Variants in WNK2 observed in about 807,000 individuals in gnomAD.
WNK2 encodes the protein WNK lysine deficient protein kinase 2, also known as serine/threonine-protein kinase WNK2.
WNK2 carries 67 observed loss-of-function variants against 192.1 expected under a neutral mutation model. The ratio of observed to expected loss-of-function variants is 0.35; its 90% CI spans 0.29 to 0.43. The LOEUF is 0.43. Ranked by LOEUF, WNK2 falls within the 20% of genes least tolerant of loss-of-function variation. The pLI is 1.00. For synonymous variants in WNK2, 1,439 were observed against 1,393.9 expected (o/e 1.03, Z -0.72); for missense variants, 2,698 against 3,089.7 (o/e 0.87, Z 3.01).
intron 28 of WNK2, 93 bp downstream of exon 28, chr9:93,308,677 GT>G (rs1436956173): frequency 2.1e-5 from 29 of 1,395,242 alleles, no homozygotes; most frequent in Non-Finnish European, 2.6e-5. Context: ...GGGGTGTCCA[GT>G]TAAGCTCTTC....
chr9:93,226,857 A>G (rs1837906500), intron 2 of WNK2, among the ~76,000 whole-genome samples: 1 of 152,016 alleles, frequency 6.6e-6, no homozygotes, highest in Non-Finnish European at 1.5e-5. Flanking sequence ...GGCATGGTTC[A>G]TTCACCTGGC....
At chr9:93,290,205 A>T (rs1321925231) in intron 21 of WNK2, among the ~76,000 whole-genome samples, 158 bp downstream of exon 21, 3 of 152,202 alleles carry the variant, frequency 2.0e-5, no homozygotes, top group Non-Finnish European at 2.9e-5. Context: ...CATCCAGTGT[A>T]GGGCCCAGAC....
chr9:93,314,890 C>CGG (rs373134529), intron 28 of WNK2, among the ~76,000 whole-genome samples: 4 of 151,614 alleles, frequency 2.6e-5, no homozygotes, highest in African/African-American at 7.3e-5. Flanking sequence ...GAGGCTTTCC[C>CGG]GGGGGGGGTT....
intron 28 of WNK2, among the ~76,000 whole-genome samples, chr9:93,311,030 G>C (rs1339306665): frequency 2.6e-5 from 4 of 152,070 alleles, no homozygotes; most frequent in African/African-American, 9.7e-5. Context: ...TTTTTATTGT[G>C]TGAAACTCTG....
intron 2 of WNK2, among the ~76,000 whole-genome samples, chr9:93,202,115 A>G (rs1404904869): frequency 1.3e-5 from 2 of 152,150 alleles, no homozygotes; most frequent in Non-Finnish European, 2.9e-5. Flanking sequence ...GGCTTGGGGA[A>G]GTGAGGGGTG....
At chr9:93,199,558 G>C (rs1249964919) in intron 2 of WNK2, among the ~76,000 whole-genome samples, 2 of 152,202 alleles carry the variant, frequency 1.3e-5, no homozygotes, top group Non-Finnish European at 2.9e-5. Flanking sequence ...TTAATTAAGA[G>C]GTTCGAGCAG....
chr9:93,314,321 AC>A (rs1156995291), intron 28 of WNK2, among the ~76,000 whole-genome samples: 1 of 151,400 alleles, frequency 6.6e-6, no homozygotes, highest in Non-Finnish European at 1.5e-5. Context: ...GGTGGTGCAT[AC>A]CTATAGTTAC....
Position 93,259,463 on chromosome 9 carries a change from C to A in WNK2, c.2915C>A (p.Pro972His), listed in dbSNP as rs1245585074. The change falls in exon 12 of 30, where the codon CCC (proline) becomes CAC (histidine). Residue 972 changes from proline to histidine, a missense_variant. Coordinates refer to ENST00000427277, the MANE Select transcript of WNK2 (RefSeq NM_006648.4). This position sits in a 1 kb window ranked among gnomAD's most constrained non-coding sequence, Gnocchi z 4.8. ...CCTCAACCTGTGTTGCCCCCGCAAC[C>A]CACACGGCCCCCTCAACCTGTGCTG... ...LPPQPVLPPQ[P>H]TRPPQPVLPP... The A allele has an allele frequency of 6.7e-7, 1 of 1,488,418 alleles. No individual in the cohort carries two copies. The highest frequency in any genetic ancestry group is 2.5e-5 in the East Asian group (1 of 40,764). 92.2% of individuals were successfully genotyped at this position (1,488,418 alleles called of 1,614,324 possible).
chr9:93,190,211 C>T (rs866290821), intron 2 of WNK2, among the ~76,000 whole-genome samples: 1 of 152,164 alleles, frequency 6.6e-6, no homozygotes, highest in African/African-American at 2.4e-5. Context: ...TCCCTCCCAC[C>T]GGGGCAGAAA....
At chr9:93,235,504 A>G (rs1181556935) in intron 5 of WNK2, among the ~76,000 whole-genome samples, 2 of 152,126 alleles carry the variant, frequency 1.3e-5, no homozygotes, top group African/African-American at 4.8e-5. Context: ...TGTCGCTGTG[A>G]TTTTTTTCTT....
intron 9 of WNK2, among the ~76,000 whole-genome samples, 186 bp downstream of exon 9, chr9:93,253,268 G>A (rs537481589): frequency 6.6e-5 from 10 of 152,172 alleles, no homozygotes; most frequent in African/African-American, 2.4e-4. Context: ...AGGCCCAGAG[G>A]AAAGCCCCGT....
At chr9:93,243,557 G>C (rs1199933664) in intron 7 of WNK2, among the ~76,000 whole-genome samples, 1 of 152,224 alleles carries the variant, frequency 6.6e-6, no homozygotes, top group Non-Finnish European at 1.5e-5. Flanking sequence ...CCTGTGCTCA[G>C]CTAAAGCACA....
chr9:93,202,257 A>G (rs995968465), intron 2 of WNK2, among the ~76,000 whole-genome samples: 2 of 151,804 alleles, frequency 1.3e-5, no homozygotes, highest in Non-Finnish European at 2.9e-5. Context: ...GCTGACCCCA[A>G]GCTCCCAGCC....
rs372392898 is a variant in WNK2, at chr9:93,256,331, C to G, written c.2067C>G (p.Pro689=). 6.3e-7 allele frequency: 1 copy of G among 1,583,432 alleles called. No homozygotes were observed. The highest frequency in any genetic ancestry group is 1.1e-5 in the South Asian group (1 of 87,430). Residue 689 remains proline, a synonymous_variant, in exon 10 of 30, where the codon CCC becomes CCG. Transcript: ENST00000427277. ...TGCCGGTGGGCTCTGTCCCGGCCCC[C>G]GCCTGCCCTCCGTCCCTCCAGCAGC... The part of the protein sequence containing the change: ...PGLPVGSVPA[P]ACPPSLQQHF...
intron 2 of WNK2, among the ~76,000 whole-genome samples, chr9:93,185,910 T>A (rs1368103018): frequency 6.6e-6 from 1 of 152,118 alleles, no homozygotes; most frequent in Non-Finnish European, 1.5e-5. Flanking sequence ...TCCTGGAGAG[T>A]GGGCCTCGGA....
intron 9 of WNK2, among the ~76,000 whole-genome samples, chr9:93,255,270 A>G (rs1409343894): frequency 6.6e-6 from 1 of 152,190 alleles, no homozygotes; most frequent in African/African-American, 2.4e-5. Flanking sequence ...GAGGAGAAAC[A>G]GCCAAGGAGG....
chr9:93,305,778 C>T (rs983756009), intron 26 of WNK2, among the ~76,000 whole-genome samples: 6 of 152,212 alleles, frequency 3.9e-5, no homozygotes, highest in East Asian at 1.9e-4. Flanking sequence ...TTAGGTCTCC[C>T]GGGAACAGCG....
chr9:93,233,589 T>C (rs921580037), intron 4 of WNK2, among the ~76,000 whole-genome samples: 28 of 151,644 alleles, frequency 1.8e-4, no homozygotes, highest in African/African-American at 6.5e-4. Context: ...TCCCAGCTAC[T>C]TGGGAGGCTG....
chr9:93,239,811 G>T lies in WNK2; in HGVS notation c.1377G>T (p.Val459=). 6.3e-7 allele frequency: 1 copy of T among 1,581,118 alleles called. No homozygotes were observed. Among genetic ancestry groups the T allele is most frequent in the Non-Finnish European group, 8.6e-7 (1 of 1,164,084 alleles). ...CCTTCTTCGCAGAGGACACAGGCGT[G>T]AGGGTGGAGCTCGCGGAGGAGGACC... ...SHAFFAEDTG[V]RVELAEEDHG... Residue 459 remains valine (V), a synonymous_variant, in exon 7 of 30, where the codon GTG becomes GTT. Coordinates refer to ENST00000427277, the MANE Select transcript of WNK2 (RefSeq NM_006648.4). The surrounding 1 kb of genome is among the most constrained non-coding windows in gnomAD (Gnocchi z 4.2).
Sources: gnomAD v4.1 joint callset for allele counts (sites outside exome capture counted in the v4.1 genomes callset) on GRCh38, gnomAD v4.1.1 for gene constraint, Gnocchi (gnomAD v3.1) non-coding constraint, MANE v1.5 for transcripts, NCBI Gene and HGNC (gene_info 2026-07-23, HGNC 2026-07-21) for gene names.